CNTN5: variants seen among roughly 807,000 people sequenced by gnomAD.
CNTN5 encodes the protein contactin 5, also known as contactin-5.
In CNTN5, 77 loss-of-function variants were observed where a neutral mutation model predicts 129.1. That is an observed-to-expected ratio of 0.60 (90% CI 0.50 to 0.72). CNTN5 has a LOEUF of 0.72. Ranked by LOEUF, CNTN5 falls within the 30% of genes least tolerant of loss-of-function variation. The pLI is 0.00. For missense variants in CNTN5, 1,478 were observed against 1,328.8 expected, an observed-to-expected ratio of 1.11 and a Z score of -1.75; for synonymous variants, 509 against 465.6, an observed-to-expected ratio of 1.09 and a Z score of -1.20.
chr11:99,573,292 C>G (rs545804997), intron 3 of CNTN5, among the ~76,000 whole-genome samples: 1 of 152,018 alleles, frequency 6.6e-6, no homozygotes, highest in East Asian at 1.9e-4. Flanking sequence ...AGTTCCTGGC[C>G]GGGTGCAGTG....
At chr11:99,201,775 G>A (rs1313423305) in intron 1 of CNTN5, among the ~76,000 whole-genome samples, 4 of 152,146 alleles carry the variant, frequency 2.6e-5, no homozygotes, top group East Asian at 3.9e-4. Context: ...ATGAAATAAG[G>A]AATGTTGGTC....
intron 6 of CNTN5, among the ~76,000 whole-genome samples, chr11:99,898,977 T>C (rs1239427180): frequency 2.6e-5 from 4 of 152,036 alleles, no homozygotes; most frequent in Non-Finnish European, 5.9e-5. Flanking sequence ...TCAAGTTAGA[T>C]AGAATTAATG....
At chr11:99,869,007 T>C (rs917474073) in intron 6 of CNTN5, among the ~76,000 whole-genome samples, 1 of 152,204 alleles carries the variant, frequency 6.6e-6, no homozygotes, top group Non-Finnish European at 1.5e-5. Flanking sequence ...CCCAAGCTCC[T>C]GTGACTGGTA....
chr11:99,325,467 C>G lies in CNTN5; in HGVS notation c.-88C>G, dbSNP rs1355288980. On this transcript the variant is annotated 5_prime_UTR_variant, in exon 2 of 25. Coordinates refer to ENST00000524871, the MANE Select transcript of CNTN5 (RefSeq NM_014361.4). Reference sequence around the variant, plus strand: ...CCTTTGTCAAGAGCATACTTTGGACCCTGTTTTCAGAAAGCAGGTATGGTT... The same window carrying G: ...CCTTTGTCAAGAGCATACTTTGGACGCTGTTTTCAGAAAGCAGGTATGGTT... The G allele has an allele frequency of 2.0e-5, 3 of 151,900 alleles. No individual in the cohort carries two copies. The highest frequency in any genetic ancestry group is 2.9e-5 in the Non-Finnish European group (2 of 67,996). The allele number at this position is 151,900 out of a possible 1,614,324, so 9.4% of individuals were successfully genotyped here.
chr11:99,838,156 G>T (rs1378556202), intron 4 of CNTN5, among the ~76,000 whole-genome samples: 1 of 151,974 alleles, frequency 6.6e-6, no homozygotes, highest in Non-Finnish European at 1.5e-5. Flanking sequence ...ATTTTAAGAT[G>T]AACTTTATCT....
intron 2 of CNTN5, among the ~76,000 whole-genome samples, chr11:99,469,849 G>C (rs966682566): frequency 3.3e-5 from 5 of 151,946 alleles, no homozygotes; most frequent in Non-Finnish European, 7.4e-5. Flanking sequence ...GAAGTGATAA[G>C]GTTAAATAAG....
chr11:100,044,565 G>C (rs1475174273), intron 9 of CNTN5, among the ~76,000 whole-genome samples: 1 of 149,908 alleles, frequency 6.7e-6, no homozygotes, highest in Non-Finnish European at 1.5e-5. Flanking sequence ...AATTTGCATT[G>C]ATCTGATGCC....
chr11:99,678,461 C>G (rs1000362497), intron 3 of CNTN5, among the ~76,000 whole-genome samples: 4 of 152,076 alleles, frequency 2.6e-5, no homozygotes, highest in African/African-American at 9.7e-5. Context: ...TTATTTTCCC[C>G]AGACATCCAG....
At chr11:99,575,979 A>C (rs1949336106) in intron 3 of CNTN5, among the ~76,000 whole-genome samples, 1 of 152,172 alleles carries the variant, frequency 6.6e-6, no homozygotes, top group Admixed American at 6.5e-5. Flanking sequence ...TACCACACAG[A>C]GGGCCCCGGT....
chr11:100,121,509 G>C (rs1946021041), intron 13 of CNTN5, among the ~76,000 whole-genome samples: 1 of 152,128 alleles, frequency 6.6e-6, no homozygotes, highest in African/African-American at 2.4e-5. Context: ...GGGGGCAGGG[G>C]GTGGGGAGGG....
In CNTN5 at chr11:99,321,611, G is replaced by T. The variant is rs534536377; in HGVS notation, c.-209-3735G>T. ...GGATCAAAGACTTGGTTACTTCTTG[G>T]AGAGTGCTGCTAGCTGAAGAGATGT... On this transcript the variant is annotated intron_variant, in intron 1 of 24. Transcript: ENST00000524871. Among the ~76,000 whole-genome samples the T allele has an allele frequency of 5.6e-4, 85 of 152,148 alleles. 1 individual carries two copies. Among genetic ancestry groups the T allele is most frequent in the Non-Finnish European group, 1.2e-4 (8 of 68,012 alleles).
At chr11:99,260,978 G>C (rs1862600056) in intron 1 of CNTN5, among the ~76,000 whole-genome samples, 1 of 151,848 alleles carries the variant, frequency 6.6e-6, no homozygotes, top group African/African-American at 2.4e-5. Flanking sequence ...GGAGCTACTT[G>C]TGATGAATCA....
intron 9 of CNTN5, among the ~76,000 whole-genome samples, chr11:100,030,075 A>G (rs1053271874): frequency 1.2e-4 from 19 of 152,092 alleles, no homozygotes; most frequent in Admixed American, 2.6e-4. Flanking sequence ...CATTTACCAA[A>G]TAGTAAAGAA....
chr11:99,026,866 C>G (rs1863130515), intron 1 of CNTN5, among the ~76,000 whole-genome samples: 1 of 151,488 alleles, frequency 6.6e-6, no homozygotes, highest in Non-Finnish European at 1.5e-5. Flanking sequence ...TGTATCTATT[C>G]AAATCAAATC....
chr11:99,750,174 C>T (rs1944184432), intron 3 of CNTN5, among the ~76,000 whole-genome samples: 1 of 152,080 alleles, frequency 6.6e-6, no homozygotes, highest in African/African-American at 2.4e-5. Flanking sequence ...AATTAAATCT[C>T]CATATTATGT....
chr11:99,439,809 C>T (rs1026892434), intron 2 of CNTN5, among the ~76,000 whole-genome samples: 1 of 151,572 alleles, frequency 6.6e-6, no homozygotes, highest in Non-Finnish European at 1.5e-5. Flanking sequence ...ATACATGCAT[C>T]TTGCCGCTGT....
chr11:99,190,996 TA>T (rs1858613325), intron 1 of CNTN5, among the ~76,000 whole-genome samples: 1 of 151,692 alleles, frequency 6.6e-6, no homozygotes, highest in Non-Finnish European at 1.5e-5. Context: ...ATATTGTCTT[TA>T]TTGTGTTGAG....
intron 8 of CNTN5, among the ~76,000 whole-genome samples, chr11:100,000,539 A>C (rs1003802004): frequency 5.3e-5 from 8 of 152,226 alleles, no homozygotes; most frequent in African/African-American, 1.9e-4. Context: ...TTGAGTGCCT[A>C]TGGCTTTTCT....
intron 1 of CNTN5, among the ~76,000 whole-genome samples, chr11:99,168,720 T>C (rs1861006924): frequency 6.6e-6 from 1 of 152,120 alleles, no homozygotes; most frequent in Non-Finnish European, 1.5e-5. Context: ...CACAGAACAA[T>C]ACTGGTAATC....
Sources: gnomAD v4.1 joint callset for allele counts (sites outside exome capture counted in the v4.1 genomes callset) on GRCh38, gnomAD v4.1.1 for gene constraint, MANE v1.5 for transcripts, NCBI Gene and HGNC (gene_info 2026-07-23, HGNC 2026-07-21) for gene names.